The following PDE9A variants were observed in gnomAD, a reference collection of about 807,000 sequenced individuals.
PDE9A encodes high affinity cGMP-specific 3',5'-cyclic phosphodiesterase 9A.
Under a neutral mutation model 87.4 loss-of-function variants are expected in PDE9A, and 60 were observed. That is an observed-to-expected ratio of 0.69 (90% CI 0.56 to 0.85). The LOEUF (loss-of-function observed/expected upper bound fraction) is 0.85. Ranked by LOEUF, PDE9A falls within the 40% of genes least tolerant of loss-of-function variation. The pLI is 0.00. For missense variants in PDE9A, 665 were observed against 779.0 expected (o/e 0.85, Z 1.74); for synonymous variants, 272 against 279.4 (o/e 0.97, Z 0.27).
At chr21:42,766,763 G>A (rs2147160560) in intron 15 of PDE9A, among the ~76,000 whole-genome samples, 2 of 152,338 alleles carry the variant, frequency 1.3e-5, no homozygotes, top group Middle Eastern at 6.8e-3. Context: ...ACCAAGGGAA[G>A]GAGGGAGGCG....
At chr21:42,667,997 G>A (rs2058122983) in intron 1 of PDE9A, among the ~76,000 whole-genome samples, 1 of 152,040 alleles carries the variant, frequency 6.6e-6, no homozygotes, top group African/African-American at 2.4e-5. Flanking sequence ...TCTCTGGGTC[G>A]AAGTTGGAGA....
At chr21:42,731,984 C>A (rs750676588) in intron 5 of PDE9A, 35 bp downstream of exon 5, 3 of 1,612,174 alleles carry the variant, frequency 1.9e-6, no homozygotes, top group African/African-American at 1.3e-5. Flanking sequence ...GCCTCCACCC[C>A]CCAACACGTG....
intron 4 of PDE9A, among the ~76,000 whole-genome samples, chr21:42,725,150 G>A (rs534522022): frequency 9.2e-5 from 14 of 152,230 alleles, no homozygotes; most frequent in East Asian, 3.9e-4. Flanking sequence ...CCCACCTGCC[G>A]CTCTTTAATA....
chr21:42,748,298 T>C (rs1227546857), intron 8 of PDE9A, among the ~76,000 whole-genome samples: 1 of 152,188 alleles, frequency 6.6e-6, no homozygotes, highest in Non-Finnish European at 1.5e-5. Context: ...ACAATGGAAA[T>C]CATTTGATTG....
chr21:42,746,242 A>C (rs2053834261), intron 8 of PDE9A, among the ~76,000 whole-genome samples: 1 of 152,184 alleles, frequency 6.6e-6, no homozygotes, highest in Admixed American at 6.5e-5. Context: ...TTGAGGTTGC[A>C]GGGGGGAAGA....
chr21:42,768,365 C>T (rs1199066399), intron 16 of PDE9A, 73 bp downstream of exon 16: 26 of 1,139,676 alleles, frequency 2.3e-5, no homozygotes, highest in Non-Finnish European at 3.0e-5. Flanking sequence ...TTGCGTTAAA[C>T]GAGCACGCCT....
intron 9 of PDE9A, among the ~76,000 whole-genome samples, chr21:42,752,549 G>A (rs773539668): frequency 1.3e-4 from 20 of 152,154 alleles, no homozygotes; most frequent in African/African-American, 3.6e-4. Flanking sequence ...GATTACAGGC[G>A]TAAGCCAGCC....
chr21:42,662,592 C>T (rs1179733015), intron 1 of PDE9A, among the ~76,000 whole-genome samples: 1 of 147,616 alleles, frequency 6.8e-6, no homozygotes, highest in East Asian at 2.0e-4. Context: ...AGCACACGCA[C>T]ATCATACACA....
Position 42,763,141 on chromosome 21 carries a change from C to T in PDE9A, c.1242+902C>T, listed in dbSNP as rs1467301956. On this transcript the variant is annotated intron_variant, in intron 14 of 19. Coordinates refer to ENST00000291539, the MANE Select transcript of PDE9A (RefSeq NM_002606.3). ...CACCGAAATAACGCCCCATTCCACA[C>T]GGGAATTCCTCATCAAACCCTCACT... Among the ~76,000 whole-genome samples, 7 of 152,284 alleles carry T rather than the reference C, an allele frequency of 4.6e-5. No individual in the cohort carries two copies. The East Asian group carries it at 5.8e-4, about 13-fold the overall frequency.
At chr21:42,750,015 G>A (rs2054257910) in intron 8 of PDE9A, among the ~76,000 whole-genome samples, 1 of 152,196 alleles carries the variant, frequency 6.6e-6, no homozygotes, top group African/African-American at 2.4e-5. Flanking sequence ...GCATGCACCT[G>A]TAATCCCAGC....
intron 13 of PDE9A, among the ~76,000 whole-genome samples, chr21:42,761,149 G>C (rs964969479): frequency 2.0e-5 from 3 of 152,208 alleles, no homozygotes; most frequent in Non-Finnish European, 4.4e-5. Flanking sequence ...ACTCCTGTGC[G>C]GGCCTGGCTT....
In PDE9A at chr21:42,687,993, C is replaced by T. The variant is rs1479153246; in HGVS notation, c.217C>T (p.Arg73Cys). The change falls in exon 3 of 20, where the codon CGC becomes TGC. Residue 73 changes from arginine (R) to cysteine (C), a missense_variant and splice_region_variant. Arg to Cys is a radical substitution (Grantham distance 180). Transcript: ENST00000291539. Reference sequence around the variant, plus strand: ...CCCCACCATGCCCGCGAATTCAGAACGGTAAGAGGCTCCGGCCGCGCTCCT... The same window carrying T: ...CCCCACCATGCCCGCGAATTCAGAATGGTAAGAGGCTCCGGCCGCGCTCCT... Reference protein sequence around the residue: ...IDPTMPANSERTPYKVRPVAI... With the variant: ...IDPTMPANSECTPYKVRPVAI... 23 of 1,611,618 alleles carry T rather than the reference C, an allele frequency of 1.4e-5. No individual in the cohort carries two copies. The highest frequency in any genetic ancestry group is 2.2e-5 in the East Asian group (1 of 44,890).
intron 15 of PDE9A, 145 bp downstream of exon 15, chr21:42,765,639 T>C (rs1334088008): frequency 4.4e-6 from 3 of 677,070 alleles, no homozygotes; most frequent in Non-Finnish European, 8.2e-6. Flanking sequence ...TTCAAGGTCA[T>C]GACTCTTACT....
chr21:42,654,519 G>A (rs1376129367), intron 1 of PDE9A, among the ~76,000 whole-genome samples: 1 of 152,224 alleles, frequency 6.6e-6, no homozygotes, highest in Non-Finnish European at 1.5e-5. Context: ...CTGACGGGCA[G>A]GGAGGGACAA....
chr21:42,667,200 C>A (rs946415226), intron 1 of PDE9A, among the ~76,000 whole-genome samples: 1 of 152,234 alleles, frequency 6.6e-6, no homozygotes, highest in African/African-American at 2.4e-5. Flanking sequence ...GGCTGGAGAT[C>A]ACAATGAGGA....
Position 42,705,654 on chromosome 21 carries a change from C to T in PDE9A, c.262+6643C>T, listed in dbSNP as rs983480366. Among the ~76,000 whole-genome samples the T allele has an allele frequency of 2.6e-5, 4 of 152,166 alleles. No homozygotes were observed. The highest frequency in any genetic ancestry group is 5.9e-5 in the Non-Finnish European group (4 of 68,028). The stretch of plus-strand genomic sequence containing the variant: ...CACACGCCAGGACGGCCCCCCACGG[C>T]CCAAGTCCTATAGGAGAGCCAGGGG... On this transcript the variant is annotated intron_variant, in intron 4 of 19. Transcript: ENST00000291539. This position sits in a 1 kb window ranked among gnomAD's most constrained non-coding sequence, Gnocchi z 4.3.
chr21:42,692,592 C>T lies in PDE9A; in HGVS notation c.218+4598C>T, dbSNP rs920437709. 3.3e-5 allele frequency among the ~76,000 whole-genome samples: 5 copies of T among 152,082 alleles called. No homozygotes were observed. Among genetic ancestry groups the T allele is most frequent in the East Asian group, 1.9e-4 (1 of 5,180 alleles). ...TCTGGTTTGTGACGGAGGTGGGCCC[C>T]GAGAATCTTTCTGCAGCAGAAAGCC... On this transcript the variant is annotated intron_variant, in intron 3 of 19. Coordinates refer to ENST00000291539, the MANE Select transcript of PDE9A (RefSeq NM_002606.3). This position sits in a 1 kb window ranked among gnomAD's most constrained non-coding sequence, Gnocchi z 4.3.
chr21:42,698,540 G>A lies in PDE9A; in HGVS notation c.219-428G>A, dbSNP rs73905745. ...ATCACAGAGATCCCAGTGCATTTTC[G>A]ACTTCATCACTGTCACCATCCTCTC... On this transcript the variant is annotated intron_variant, in intron 3 of 19. Coordinates refer to ENST00000291539, the MANE Select transcript of PDE9A (RefSeq NM_002606.3). 8.8e-3 allele frequency among the ~76,000 whole-genome samples: 1,333 copies of A among 152,174 alleles called. 13 individuals are homozygous for A. The highest frequency in any genetic ancestry group is 0.031 in the African/African-American group (1,266 of 41,476).
At chr21:42,727,000 G>A (rs67784747) in intron 4 of PDE9A, among the ~76,000 whole-genome samples, 16,575 of 132,100 alleles carry the variant, frequency 0.13, 1,156 homozygotes, top group East Asian at 0.36. Context: ...CTCTCATTTT[G>A]TCTGTTGTTT....
Sources: gnomAD v4.1 joint callset for allele counts (sites outside exome capture counted in the v4.1 genomes callset) on GRCh38, gnomAD v4.1.1 for gene constraint, Gnocchi (gnomAD v3.1) non-coding constraint, MANE v1.5 for transcripts, NCBI Gene and HGNC (gene_info 2026-07-23, HGNC 2026-07-21) for gene names.